The following CDH8 variants were observed in gnomAD, a reference collection of about 807,000 sequenced individuals.
CDH8 encodes cadherin-8.
In CDH8, 17 loss-of-function variants were observed where a neutral mutation model predicts 68.1. The ratio of observed to expected loss-of-function variants is 0.25; its 90% confidence interval spans 0.17 to 0.37. The LOEUF (loss-of-function observed/expected upper bound fraction) is 0.37. Ranked by LOEUF, CDH8 falls within the 10% of genes least tolerant of loss-of-function variation. The probability of loss-of-function intolerance (pLI) is 1.00; values close to 1 mark genes in which losing one functional copy is unlikely to be tolerated. For synonymous variants in CDH8, 372 were observed against 365.1 expected, an observed-to-expected ratio of 1.02 and a Z score of -0.21; for missense variants, 763 against 999.3, an observed-to-expected ratio of 0.76 and a Z score of 3.19.
At chr16:61,746,630 A>G (rs1293415866) in intron 8 of CDH8, among the ~76,000 whole-genome samples, 2 of 151,548 alleles carry the variant, frequency 1.3e-5, no homozygotes, top group African/African-American at 4.9e-5. Context: ...TCCCCCAAGA[A>G]AAATAAACTG....
intron 9 of CDH8, chr16:61,725,953 C>A (rs1478177473): frequency 6.7e-6 from 1 of 150,200 alleles, no homozygotes; most frequent in African/African-American, 2.4e-5. Context: ...GGAAACAATG[C>A]TAATTCTCCA....
intron 3 of CDH8, among the ~76,000 whole-genome samples, chr16:61,869,712 A>G (rs1349287933): frequency 5.3e-5 from 8 of 152,218 alleles, no homozygotes; most frequent in Admixed American, 1.3e-4. Context: ...GGAAATAGCA[A>G]CTTCACTAGG....
intron 8 of CDH8, among the ~76,000 whole-genome samples, chr16:61,770,778 C>T (rs1015880156): frequency 4.6e-5 from 7 of 151,900 alleles, no homozygotes; most frequent in East Asian, 1.9e-4. Flanking sequence ...AACAATGTAA[C>T]TGTAGTTCAA....
At chr16:61,962,207 G>A (rs1448366052) in intron 2 of CDH8, among the ~76,000 whole-genome samples, 1 of 152,144 alleles carries the variant, frequency 6.6e-6, no homozygotes, top group Non-Finnish European at 1.5e-5. Context: ...AAGTGGCAGA[G>A]GCAGAAGAAA....
chr16:61,820,839 G>T, intron 6 of CDH8, 87 bp downstream of exon 6: 2 of 1,119,626 alleles, frequency 1.8e-6, no homozygotes, highest in South Asian at 1.4e-5. Flanking sequence ...GTGCAATTCT[G>T]CCAGGAACTC....
At chr16:62,024,438 T>C (rs1597133095) in intron 1 of CDH8, among the ~76,000 whole-genome samples, 1 of 152,072 alleles carries the variant, frequency 6.6e-6, no homozygotes, top group East Asian at 1.9e-4. Context: ...TGCTAATGAC[T>C]CTAGGATAAG....
chr16:61,900,919 G>A (rs1015964850), intron 3 of CDH8, among the ~76,000 whole-genome samples: 1 of 152,150 alleles, frequency 6.6e-6, no homozygotes, highest in Admixed American at 6.5e-5. Flanking sequence ...AAGTCTATGA[G>A]AGGAATACAA....
intron 3 of CDH8, among the ~76,000 whole-genome samples, chr16:61,862,894 C>A (rs1963177128): frequency 6.6e-6 from 1 of 152,166 alleles, no homozygotes; most frequent in Non-Finnish European, 1.5e-5. Flanking sequence ...CCAGGATTCT[C>A]TGTTTGTGTT....
Position 61,652,047 on chromosome 16 carries a change from A to G in CDH8, c.*1561T>C. 1 of 878,834 alleles carries G rather than the reference A, an allele frequency of 1.1e-6. No homozygotes were observed. Among genetic ancestry groups the G allele is most frequent in the Non-Finnish European group, 1.4e-6 (1 of 733,002 alleles). The allele number at this position is 878,834 out of a possible 1,614,324, so 54.4% of individuals were successfully genotyped here. On this transcript the variant is annotated 3_prime_UTR_variant, in exon 12 of 12. Transcript: ENST00000577390. ...AATATATTTCACAAAGTAGGAAACAATACAGGAGTTTCTCTGAATACAATA... is the reference window on the plus strand; with the variant it reads ...AATATATTTCACAAAGTAGGAAACAGTACAGGAGTTTCTCTGAATACAATA...
At chr16:61,782,052 C>CA (rs1469923511) in intron 8 of CDH8, among the ~76,000 whole-genome samples, 1 of 152,200 alleles carries the variant, frequency 6.6e-6, no homozygotes, top group Non-Finnish European at 1.5e-5. Context: ...TGCCTGCACT[C>CA]AAGGCTGCTA....
intron 8 of CDH8, among the ~76,000 whole-genome samples, chr16:61,770,638 C>G (rs569318073): frequency 6.6e-6 from 1 of 152,094 alleles, no homozygotes; most frequent in East Asian, 1.9e-4. Flanking sequence ...CACTAACATT[C>G]TTGCTTTCCT....
rs149973285 is a variant in CDH8 at position 61,939,127 on chromosome 16, C to A, written c.253-37654G>T. On this transcript the variant is annotated intron_variant, in intron 2 of 11. Transcript: ENST00000577390. ...TAGAGGTGATGTTATTTGAGAAATA[C>A]TTAATGCTCTTTAAAATTGGGTATC... Among the ~76,000 whole-genome samples, 64 of 152,238 alleles carry A rather than the reference C, an allele frequency of 4.2e-4. No homozygotes were observed. In the East Asian group the frequency reaches 0.012, roughly 28 times the overall value.
intron 7 of CDH8, among the ~76,000 whole-genome samples, chr16:61,799,108 A>T (rs891194589): frequency 6.6e-6 from 1 of 152,118 alleles, no homozygotes; most frequent in South Asian, 2.1e-4. Flanking sequence ...AAGAAGCCCA[A>T]TCGATTTCTA....
chr16:61,959,368 A>T (rs1965039684), intron 2 of CDH8, among the ~76,000 whole-genome samples: 1 of 152,154 alleles, frequency 6.6e-6, no homozygotes, highest in African/African-American at 2.4e-5. Context: ...TGCTTACGTG[A>T]ATGCTTCTTT....
At chr16:61,950,570 C>T (rs1329373629) in intron 2 of CDH8, among the ~76,000 whole-genome samples, 1 of 152,202 alleles carries the variant, frequency 6.6e-6, no homozygotes, top group African/African-American at 2.4e-5. Flanking sequence ...TATGAGACTG[C>T]ATTGTCTTAA....
At chr16:61,837,568 C>T (rs1962593851) in intron 4 of CDH8, among the ~76,000 whole-genome samples, 1 of 152,060 alleles carries the variant, frequency 6.6e-6, no homozygotes, top group South Asian at 2.1e-4. Flanking sequence ...ATAATCTCTA[C>T]ATTCTAAGTG....
Position 61,865,017 on chromosome 16 carries a change from T to C in CDH8, c.548-7779A>G, listed in dbSNP as rs551648966. 3.3e-5 allele frequency among the ~76,000 whole-genome samples: 5 copies of C among 152,310 alleles called. No individual in the cohort carries two copies. In the South Asian group the frequency reaches 1.0e-3, roughly 32 times the overall value. ...CACAATGGAATCCTCAATGATTAGT[T>C]CCCTATCTTTCTTTTTTTGCAAAGG... is the stretch of plus-strand genomic sequence containing the variant. On this transcript the variant is annotated intron_variant, in intron 3 of 11. Coordinates refer to ENST00000577390, the MANE Select transcript of CDH8 (RefSeq NM_001796.5).
chr16:61,995,193 G>T (rs1408165415), intron 2 of CDH8, among the ~76,000 whole-genome samples: 1 of 152,084 alleles, frequency 6.6e-6, no homozygotes, highest in Non-Finnish European at 1.5e-5. Flanking sequence ...TGTGATAGAA[G>T]ATTATAAATT....
chr16:61,903,651 T>C (rs867862738), intron 2 of CDH8, among the ~76,000 whole-genome samples: 1 of 152,230 alleles, frequency 6.6e-6, no homozygotes, highest in South Asian at 2.1e-4. Context: ...AAGCTAAGAT[T>C]CTGGTTTCTC....
Sources: allele counts gnomAD v4.1 joint callset (sites outside exome capture counted in the v4.1 genomes callset), GRCh38; gene constraint gnomAD v4.1.1; transcripts MANE v1.5; gene names NCBI Gene and HGNC (gene_info 2026-07-23, HGNC 2026-07-21).